XPR1: variants seen among roughly 807,000 people sequenced by gnomAD.
XPR1 encodes the protein solute carrier family 53 member 1.
Under a neutral mutation model 87.5 loss-of-function variants are expected in XPR1, and 28 were observed. That is an observed-to-expected ratio of 0.32 (90% CI 0.24 to 0.44). The LOEUF is 0.44. Among genes scored for constraint, XPR1 ranks in the 20% least tolerant of loss-of-function variants. The probability of loss-of-function intolerance (pLI) is 1.00; values close to 1 mark genes in which losing one functional copy is unlikely to be tolerated. For missense variants in XPR1, 559 were observed against 862.3 expected (o/e 0.65, Z 4.41); for synonymous variants, 300 against 306.1 (o/e 0.98, Z 0.21).
chr1:180,676,970 T>C (rs1330751920), intron 1 of XPR1, among the ~76,000 whole-genome samples: 1 of 152,194 alleles, frequency 6.6e-6, no homozygotes, highest in Non-Finnish European at 1.5e-5. Context: ...TTGAACAGAA[T>C]AGTATGATGT....
chr1:180,796,945 A>C (rs1313188948), intron 3 of XPR1, among the ~76,000 whole-genome samples: 1 of 152,196 alleles, frequency 6.6e-6, no homozygotes, highest in Non-Finnish European at 1.5e-5. Context: ...CTTTTACATG[A>C]AATGTTCAGA....
chr1:180,801,569 A>G (rs1386450795), intron 3 of XPR1, among the ~76,000 whole-genome samples: 1 of 152,204 alleles, frequency 6.6e-6, no homozygotes, highest in Non-Finnish European at 1.5e-5. Context: ...GAAACATCCT[A>G]TAGAAGGAAA....
intron 1 of XPR1, among the ~76,000 whole-genome samples, chr1:180,659,210 C>A (rs1655653911): frequency 3.4e-5 from 1 of 29,214 alleles, no homozygotes; most frequent in Non-Finnish European, 7.7e-5. Flanking sequence ...TCCTTCCTTC[C>A]TTCCTTCCTT....
chr1:180,758,496 TC>T (rs1179694911), intron 2 of XPR1, among the ~76,000 whole-genome samples: 1 of 152,020 alleles, frequency 6.6e-6, no homozygotes, highest in African/African-American at 2.4e-5. Context: ...TCATTTGAGG[TC>T]AGGAGTTCAA....
At chr1:180,879,211 A>G (rs1278583339) in intron 13 of XPR1, among the ~76,000 whole-genome samples, 2 of 152,060 alleles carry the variant, frequency 1.3e-5, no homozygotes, top group Non-Finnish European at 2.9e-5. Context: ...TGTTATTACC[A>G]CCTTTAAGTC....
chr1:180,880,741 A>G (rs1652827494), intron 14 of XPR1, among the ~76,000 whole-genome samples: 1 of 152,194 alleles, frequency 6.6e-6, no homozygotes, highest in Non-Finnish European at 1.5e-5. Flanking sequence ...AGTGGATTAT[A>G]TTCATTATTA....
intron 1 of XPR1, among the ~76,000 whole-genome samples, chr1:180,665,210 A>G (rs1655916215): frequency 6.6e-6 from 1 of 152,170 alleles, no homozygotes; most frequent in African/African-American, 2.4e-5. Flanking sequence ...GAAATGCCAG[A>G]CGCTTATAAA....
At chr1:180,765,579 A>C (rs1035717279) in intron 2 of XPR1, among the ~76,000 whole-genome samples, 1 of 152,154 alleles carries the variant, frequency 6.6e-6, no homozygotes, top group African/African-American at 2.4e-5. Context: ...GTGGGTGCCC[A>C]TGTTCCTTAT....
chr1:180,841,845 T>G (rs931676372), intron 11 of XPR1, among the ~76,000 whole-genome samples: 3 of 152,190 alleles, frequency 2.0e-5, no homozygotes, highest in Non-Finnish European at 4.4e-5. Flanking sequence ...TCACTAAAAT[T>G]TTTAACCAAA....
chr1:180,731,024 C>T (rs1231404394), intron 2 of XPR1, among the ~76,000 whole-genome samples: 1 of 152,136 alleles, frequency 6.6e-6, no homozygotes, highest in East Asian at 1.9e-4. Flanking sequence ...GCATCTGTAA[C>T]ACTTCATTCA....
intron 1 of XPR1, among the ~76,000 whole-genome samples, chr1:180,640,120 A>G (rs1386753383): frequency 1.3e-5 from 2 of 152,220 alleles, no homozygotes; most frequent in South Asian, 2.1e-4. Flanking sequence ...CATTTTACTG[A>G]TGAGGAAACC....
chr1:180,864,342 T>C (rs185819952), intron 12 of XPR1, among the ~76,000 whole-genome samples: 44 of 152,322 alleles, frequency 2.9e-4, no homozygotes, highest in Admixed American at 2.7e-3. Flanking sequence ...CTATTCATCT[T>C]AATCTTTTTT....
intron 11 of XPR1, among the ~76,000 whole-genome samples, chr1:180,846,447 TTA>T (rs1160626155): frequency 1.7e-5 from 2 of 117,434 alleles, no homozygotes; most frequent in African/African-American, 6.5e-5. Context: ...GTTTATTTAT[TTA>T]TTTTTTTTTT....
At chr1:180,705,920 A>C (rs1019672199) in intron 2 of XPR1, among the ~76,000 whole-genome samples, 10 of 152,236 alleles carry the variant, frequency 6.6e-5, no homozygotes, top group Admixed American at 3.3e-4. Context: ...TAATGGAGAA[A>C]AAGGGATTTG....
At chr1:180,750,655 A>G (rs987095093) in intron 2 of XPR1, among the ~76,000 whole-genome samples, 1 of 152,090 alleles carries the variant, frequency 6.6e-6, no homozygotes, top group African/African-American at 2.4e-5. Context: ...GTAGCTTTAT[A>G]GTAAGTCTTG....
At chr1:180,732,028 A>C (rs2102011971) in intron 2 of XPR1, among the ~76,000 whole-genome samples, 1 of 152,300 alleles carries the variant, frequency 6.6e-6, no homozygotes, top group East Asian at 1.9e-4. Flanking sequence ...CCCCGCCTCT[A>C]CTAAAAATAC....
intron 2 of XPR1, among the ~76,000 whole-genome samples, chr1:180,781,950 T>C (rs1455779277): frequency 6.6e-6 from 1 of 152,002 alleles, no homozygotes; most frequent in Non-Finnish European, 1.5e-5. Context: ...AGAAAGCAAT[T>C]GTCTGTCATC....
intron 2 of XPR1, among the ~76,000 whole-genome samples, chr1:180,702,492 ATTTT>A (rs1374550392): frequency 6.7e-6 from 1 of 149,768 alleles, no homozygotes; most frequent in Non-Finnish European, 1.5e-5. Flanking sequence ...TTCTTTCTTT[ATTTT>A]TTTTTGTACT....
chr1:180,763,098 T>A (rs753004909), intron 2 of XPR1, among the ~76,000 whole-genome samples: 3 of 152,214 alleles, frequency 2.0e-5, no homozygotes, highest in Non-Finnish European at 4.4e-5. Flanking sequence ...CAAAATAGTG[T>A]TTATGCCGTG....
Sources: gnomAD v4.1 joint callset for allele counts (sites outside exome capture counted in the v4.1 genomes callset) on GRCh38, gnomAD v4.1.1 for gene constraint, MANE v1.5 for transcripts, NCBI Gene and HGNC (gene_info 2026-07-23, HGNC 2026-07-21) for gene names.